Variants in ABCG2 observed in about 807,000 individuals in gnomAD.
ABCG2 encodes the protein ATP binding cassette subfamily G member 2 (JR blood group), also known as broad substrate specificity ATP-binding cassette transporter ABCG2.
ABCG2 carries 80 observed loss-of-function variants against 73.5 expected under a neutral mutation model. The ratio of observed to expected loss-of-function variants is 1.09; its 90% CI spans 0.91 to 1.31. The LOEUF (loss-of-function observed/expected upper bound fraction) is 1.31. ABCG2 is among the 50% of genes most tolerant of loss of function. ABCG2 has a pLI of 0.00. For synonymous variants in ABCG2, 269 were observed against 282.4 expected (o/e 0.95, Z 0.48); for missense variants, 796 against 786.2 (o/e 1.01, Z -0.15).
intron 2 of ABCG2, 48 bp downstream of exon 2, chr4:88,139,745 A>G (rs1725491988): frequency 6.5e-7 from 1 of 1,541,962 alleles, no homozygotes; most frequent in Non-Finnish European, 8.9e-7. Flanking sequence ...TGTGAGGTTC[A>G]CTGTAGGTAA....
chr4:88,185,326 T>C (rs932260419), intron 1 of ABCG2, among the ~76,000 whole-genome samples: 3 of 152,338 alleles, frequency 2.0e-5, no homozygotes, highest in East Asian at 1.9e-4. Flanking sequence ...ATTGTGCCAC[T>C]GCACTCCAGC....
At chr4:88,104,715 G>A (rs1291985117) in intron 10 of ABCG2, among the ~76,000 whole-genome samples, 1 of 151,788 alleles carries the variant, frequency 6.6e-6, no homozygotes. Context: ...ATGAGCCCAG[G>A]AGTTCAAAGC....
At chr4:88,167,207 A>G (rs1024593388) in intron 1 of ABCG2, among the ~76,000 whole-genome samples, 6 of 151,598 alleles carry the variant, frequency 4.0e-5, no homozygotes, top group African/African-American at 1.5e-4. Context: ...GGCAGAATCC[A>G]TTTCTTTTTG....
intron 4 of ABCG2, among the ~76,000 whole-genome samples, chr4:88,131,448 T>C (rs1724869998): frequency 1.3e-5 from 2 of 152,186 alleles, no homozygotes; most frequent in Admixed American, 1.3e-4. Flanking sequence ...AGTAATTATG[T>C]TAACTACCAG....
At chr4:88,198,335 A>C (rs1250651736) in intron 1 of ABCG2, among the ~76,000 whole-genome samples, 1 of 152,090 alleles carries the variant, frequency 6.6e-6, no homozygotes, top group Non-Finnish European at 1.5e-5. Context: ...TCCATCTCCA[A>C]AAATAAAAAT....
chr4:88,146,969 G>A (rs1240889771), intron 1 of ABCG2, among the ~76,000 whole-genome samples: 1 of 105,156 alleles, frequency 9.5e-6, no homozygotes, highest in Non-Finnish European at 1.9e-5. Context: ...GAGGGAACAG[G>A]AGAAAGAAAG....
intron 1 of ABCG2, among the ~76,000 whole-genome samples, chr4:88,173,170 A>T (rs1398061586): frequency 6.6e-6 from 1 of 152,186 alleles, no homozygotes. Flanking sequence ...TTATTATGGA[A>T]ATTTTGAAAC....
intron 2 of ABCG2, among the ~76,000 whole-genome samples, chr4:88,133,406 T>C (rs1045935694): frequency 4.6e-5 from 7 of 152,222 alleles, no homozygotes; most frequent in Admixed American, 2.6e-4. Flanking sequence ...AAAAGATATA[T>C]CCTCAAGATA....
In ABCG2 at chr4:88,171,274, TAAAAAAA is replaced by T. The variant is rs11331423; in HGVS notation, c.-19-31267_-19-31261del. Among the ~76,000 whole-genome samples the T allele has an allele frequency of 4.6e-5, 6 of 129,406 alleles. No homozygotes were observed. In the East Asian group the frequency reaches 1.4e-3, roughly 30 times the overall value. The allele number at this position is 129,406 out of a possible 152,430, so 84.9% of individuals were successfully genotyped here. On this transcript the variant is annotated intron_variant, in intron 1 of 15. Coordinates refer to the ABCG2 transcript ENST00000515655. ...ATACCCCTGAACCTAAAGTAAAAGT[TAAAAAAA>T]AAAAAAAAAGAAAGGTTATTCTGTT...
chr4:88,093,227 C>T lies in ABCG2; in HGVS notation c.1821-846G>A, dbSNP rs148899268. Reference sequence around the variant, plus strand: ...ACTATAAGAATAGCTTCCTCCTGGCCGGCTGCAGTGGCTCATGCCTGTAAT... The same window carrying T: ...ACTATAAGAATAGCTTCCTCCTGGCTGGCTGCAGTGGCTCATGCCTGTAAT... On this transcript the variant is annotated intron_variant, in intron 15 of 15. Transcript: ENST00000237612. Among the ~76,000 whole-genome samples, 668 of 152,248 alleles carry T rather than the reference C, an allele frequency of 4.4e-3. 5 individuals carry two copies. The highest frequency in any genetic ancestry group is 4.3e-3 in the Non-Finnish European group (290 of 68,008).
At chr4:88,193,711 T>C (rs1728800091) in intron 1 of ABCG2, among the ~76,000 whole-genome samples, 2 of 152,220 alleles carry the variant, frequency 1.3e-5, no homozygotes, top group South Asian at 4.1e-4. Context: ...TAGATGGGAT[T>C]TTACTTCATA....
intron 1 of ABCG2, among the ~76,000 whole-genome samples, chr4:88,166,514 T>G (rs1482856556): frequency 6.6e-6 from 1 of 152,180 alleles, no homozygotes; most frequent in Non-Finnish European, 1.5e-5. Flanking sequence ...TGCCAATTAA[T>G]TTACAGGCCC....
chr4:88,140,435 A>T (rs970282646), intron 1 of ABCG2, among the ~76,000 whole-genome samples: 2 of 152,102 alleles, frequency 1.3e-5, no homozygotes, highest in African/African-American at 4.8e-5. Context: ...CAGCCTGGCC[A>T]ACATGGTGAA....
intron 5 of ABCG2, among the ~76,000 whole-genome samples, chr4:88,128,038 C>T (rs900100755): frequency 2.6e-5 from 4 of 151,082 alleles, no homozygotes; most frequent in African/African-American, 9.7e-5. Context: ...TGACAAAGGG[C>T]TAATATCCAG....
intron 15 of ABCG2, among the ~76,000 whole-genome samples, chr4:88,094,362 G>A (rs1721841593): frequency 6.6e-6 from 1 of 151,818 alleles, no homozygotes; most frequent in Non-Finnish European, 1.5e-5. Flanking sequence ...AAACATTGCT[G>A]CATGTTAAAG....
At position 88,139,884 on chromosome 4, in the gene ABCG2, T is replaced by G; in HGVS notation, c.112A>C (p.Ser38Arg). 2 of 1,614,202 alleles carry G rather than the reference T, an allele frequency of 1.2e-6. No homozygotes were observed. The highest frequency in any genetic ancestry group is 1.7e-6 in the Non-Finnish European group (2 of 1,180,024). The stretch of plus-strand genomic sequence containing the variant: ...ACTCGATAGCAGATGTTATGAAAAC[T>G]TAACACAGCTCCTTCAGTAAATGCC... Reference protein sequence around the residue: ...LKAFTEGAVLSFHNICYRVKL... With the variant: ...LKAFTEGAVLRFHNICYRVKL... The change falls in exon 2 of 16, where the codon AGT becomes CGT. Residue 38 changes from serine to arginine, a missense_variant. Coordinates refer to ENST00000237612, the MANE Select transcript of ABCG2 (RefSeq NM_004827.3).
At chr4:88,202,476 AG>A (rs1030371195) in intron 1 of ABCG2, among the ~76,000 whole-genome samples, 1 of 150,394 alleles carries the variant, frequency 6.6e-6, no homozygotes, top group African/African-American at 2.4e-5. Flanking sequence ...ACACTTTGAA[AG>A]GTGAGAAAAA....
At chr4:88,213,006 A>G (rs1027209258) in intron 1 of ABCG2, among the ~76,000 whole-genome samples, 2 of 152,038 alleles carry the variant, frequency 1.3e-5, no homozygotes, top group Non-Finnish European at 2.9e-5. Context: ...GGCCCAAATG[A>G]TCTTCCCACC....
intron 1 of ABCG2, among the ~76,000 whole-genome samples, chr4:88,150,361 T>C (rs1239794190): frequency 6.6e-6 from 1 of 152,112 alleles, no homozygotes; most frequent in Non-Finnish European, 1.5e-5. Flanking sequence ...GGTGGCCTTC[T>C]GGAGGAGCAG....
Sources: allele counts gnomAD v4.1 joint callset (sites outside exome capture counted in the v4.1 genomes callset), GRCh38; gene constraint gnomAD v4.1.1; transcripts MANE v1.5; gene names NCBI Gene and HGNC (gene_info 2026-07-23, HGNC 2026-07-21).